FSTL1: variants seen among roughly 807,000 people sequenced by gnomAD.
The protein encoded by FSTL1 is follistatin-related protein 1.
In FSTL1, 24 loss-of-function variants were observed where a neutral mutation model predicts 45.9. The ratio of observed to expected loss-of-function variants is 0.52; its 90% CI spans 0.38 to 0.74. The LOEUF (loss-of-function observed/expected upper bound fraction) is 0.74. Ranked by LOEUF, FSTL1 falls within the 30% of genes least tolerant of loss-of-function variation. The pLI, the probability that FSTL1 is intolerant of heterozygous loss-of-function variation, is 0.00. For synonymous variants in FSTL1, 120 were observed against 137.6 expected (o/e 0.87, Z 0.89); for missense variants, 340 against 381.8 (o/e 0.89, Z 0.91).
chr3:120,440,563 T>C (rs977264189), intron 2 of FSTL1, among the ~76,000 whole-genome samples: 3 of 152,242 alleles, frequency 2.0e-5, no homozygotes, highest in African/African-American at 4.8e-5. Context: ...CCTGTGTTCC[T>C]GTCTGCCTCC....
rs1049786961 is a variant in FSTL1 at position 120,395,487 on chromosome 3, G to A, written c.*1465C>T. The A allele has an allele frequency of 1.4e-4, 55 of 387,470 alleles. No homozygotes were observed. Among genetic ancestry groups the A allele is most frequent in the Middle Eastern group, 4.0e-4 (1 of 2,482 alleles). 24.0% of individuals were successfully genotyped at this position (387,470 alleles called of 1,614,324 possible). On this transcript the variant is annotated 3_prime_UTR_variant, in exon 11 of 11. Transcript: ENST00000295633. ...AAGGGAATGCTTTCTATTTCCAGCC[G>A]GAGGTTAAACATGAAATGCAAATAT... is the stretch of plus-strand genomic sequence containing the variant.
intron 2 of FSTL1, among the ~76,000 whole-genome samples, chr3:120,427,859 A>C (rs982070720): frequency 1.2e-4 from 19 of 152,198 alleles, no homozygotes; most frequent in South Asian, 4.1e-4. Flanking sequence ...ATCTCAGAGC[A>C]AAGCAAAATT....
rs2107645703 is a variant in FSTL1 at position 120,393,701 on chromosome 3, T to G, written c.*3251A>C. 1 of 152,234 alleles carries G rather than the reference T, an allele frequency of 6.6e-6. No individual in the cohort carries two copies. Among genetic ancestry groups the G allele is most frequent in the Admixed American group, 6.5e-5 (1 of 15,276 alleles). The allele number at this position is 152,234 out of a possible 1,614,324, so 9.4% of individuals were successfully genotyped here. A position where few individuals can be genotyped will look rare whatever the true frequency, so the allele number is the denominator to read the frequency against. On this transcript the variant is annotated 3_prime_UTR_variant, in exon 11 of 11. Coordinates refer to ENST00000295633, the MANE Select transcript of FSTL1 (RefSeq NM_007085.5). ...ACCTGCTATGGTTTGAATGTTTATG[T>G]CCCCCAAAATTCATATGTTAAAATT...
At chr3:120,399,658 G>A (rs745858169) in intron 10 of FSTL1, among the ~76,000 whole-genome samples, 4 of 152,130 alleles carry the variant, frequency 2.6e-5, no homozygotes, top group Admixed American at 6.5e-5. Context: ...GCCACTCACC[G>A]AGCTGTAACC....
chr3:120,402,070 A>C (rs537373056), intron 9 of FSTL1, among the ~76,000 whole-genome samples: 105 of 152,166 alleles, frequency 6.9e-4, no homozygotes, highest in Non-Finnish European at 5.6e-4. Flanking sequence ...CAGGACCCAG[A>C]TGGGACTCCA....
chr3:120,408,458 T>C (rs933750094), intron 6 of FSTL1, among the ~76,000 whole-genome samples: 2 of 152,236 alleles, frequency 1.3e-5, no homozygotes, highest in Non-Finnish European at 2.9e-5. Context: ...TATTTCTTCA[T>C]CTGCGGGTTC....
intron 6 of FSTL1, among the ~76,000 whole-genome samples, chr3:120,408,417 A>G (rs1158258502): frequency 6.6e-6 from 1 of 152,270 alleles, no homozygotes; most frequent in Non-Finnish European, 1.5e-5. Flanking sequence ...GAAGTCTTAA[A>G]TGACCAAATA....
At chr3:120,430,540 C>T (rs944979377) in intron 2 of FSTL1, among the ~76,000 whole-genome samples, 5 of 152,216 alleles carry the variant, frequency 3.3e-5, no homozygotes, top group Non-Finnish European at 7.3e-5. Context: ...TACAGGTCCC[C>T]TGGATTTTAA....
At chr3:120,405,228 G>A (rs1936925458) in intron 6 of FSTL1, among the ~76,000 whole-genome samples, 1 of 152,202 alleles carries the variant, frequency 6.6e-6, no homozygotes, top group African/African-American at 2.4e-5. Context: ...CCCTAAGCAT[G>A]CTGTGTGGCC....
chr3:120,411,706 G>C, intron 4 of FSTL1, 148 bp downstream of exon 4: 1 of 710,020 alleles, frequency 1.4e-6, no homozygotes, highest in Non-Finnish European at 2.4e-6. Flanking sequence ...GTGACAAGAG[G>C]ATGCAACTCC....
chr3:120,446,236 G>GC (rs1937736446), intron 2 of FSTL1, among the ~76,000 whole-genome samples: 1 of 152,118 alleles, frequency 6.6e-6, no homozygotes. Context: ...GTGTTGCTCT[G>GC]CCCCACTGAC....
At position 120,399,872 on chromosome 3, in the gene FSTL1, C is replaced by T; in HGVS notation, c.882+11G>A. On this transcript the variant is annotated intron_variant, in intron 10 of 10. Coordinates refer to ENST00000295633, the MANE Select transcript of FSTL1 (RefSeq NM_007085.5). The stretch of plus-strand genomic sequence containing the variant: ...AGCAACACCTGAACCAGCACGGAGG[C>T]TGCCACTCACCTGATGCTTTTGGAG... The T allele has an allele frequency of 1.9e-6, 3 of 1,580,344 alleles. No individual in the cohort carries two copies. The highest frequency in any genetic ancestry group is 1.1e-5 in the South Asian group (1 of 87,670).
intron 2 of FSTL1, among the ~76,000 whole-genome samples, chr3:120,422,991 G>A (rs983775554): frequency 6.6e-6 from 1 of 152,154 alleles, no homozygotes; most frequent in Admixed American, 6.5e-5. Context: ...CACTGTGCCC[G>A]GTCAATCAAG....
chr3:120,414,586 G>T (rs945050303), intron 3 of FSTL1, among the ~76,000 whole-genome samples: 40 of 152,278 alleles, frequency 2.6e-4, no homozygotes, highest in African/African-American at 9.1e-4. Context: ...AAATCGGATG[G>T]TTGCCATGTC....
intron 2 of FSTL1, among the ~76,000 whole-genome samples, chr3:120,446,530 A>T (rs1214641763): frequency 1.3e-5 from 2 of 152,204 alleles, no homozygotes; most frequent in Admixed American, 6.5e-5. Flanking sequence ...CCCAATTTCC[A>T]GCAATGGTCT....
intron 2 of FSTL1, among the ~76,000 whole-genome samples, chr3:120,417,272 T>C (rs1427711406): frequency 6.6e-6 from 1 of 151,878 alleles, no homozygotes; most frequent in African/African-American, 2.4e-5. Flanking sequence ...GAATGTTTTA[T>C]ACTCAAGATT....
Position 120,393,691 on chromosome 3 carries a change from A to G in FSTL1, c.*3261T>C, listed in dbSNP as rs1159648594. ...ACAGGAATGCACCTGCTATGGTTTG[A>G]ATGTTTATGTCCCCCAAAATTCATA... On this transcript the variant is annotated 3_prime_UTR_variant, in exon 11 of 11. Transcript: ENST00000295633. 6.6e-6 allele frequency: 1 copy of G among 152,156 alleles called. No homozygotes were observed. The highest frequency in any genetic ancestry group is 1.9e-4 in the East Asian group (1 of 5,188). The allele number at this position is 152,156 out of a possible 1,614,324, so 9.4% of individuals were successfully genotyped here.
At chr3:120,408,948 TTC>T (rs1399097576) in intron 6 of FSTL1, among the ~76,000 whole-genome samples, 2 of 152,206 alleles carry the variant, frequency 1.3e-5, no homozygotes, top group African/African-American at 2.4e-5. Context: ...CTTCCTTCAT[TTC>T]TCTTTGTGAA....
intron 2 of FSTL1, among the ~76,000 whole-genome samples, chr3:120,442,014 C>G (rs77248074): frequency 0.013 from 1,936 of 152,302 alleles, 46 homozygotes; most frequent in African/African-American, 0.045. Flanking sequence ...ACAACCTGAG[C>G]CAGCACAAAG....
Sources: allele counts gnomAD v4.1 joint callset (sites outside exome capture counted in the v4.1 genomes callset), GRCh38; gene constraint gnomAD v4.1.1; transcripts MANE v1.5; gene names NCBI Gene and HGNC (gene_info 2026-07-23, HGNC 2026-07-21).